Variants in SLC6A3 observed in about 807,000 individuals in gnomAD.
SLC6A3 encodes sodium-dependent dopamine transporter.
SLC6A3 carries 19 observed loss-of-function variants against 70.4 expected under a neutral mutation model. That is an observed-to-expected ratio of 0.27 (90% confidence interval 0.19 to 0.40). SLC6A3 has a LOEUF of 0.40. Ranked by LOEUF, SLC6A3 falls within the 10% of genes least tolerant of loss-of-function variation. The pLI, the probability that SLC6A3 is intolerant of heterozygous loss-of-function variation, is 1.00. For missense variants in SLC6A3, 613 were observed against 838.5 expected (o/e 0.73, Z 3.32); for synonymous variants, 368 against 356.6 (o/e 1.03, Z -0.36).
intron 1 of SLC6A3, among the ~76,000 whole-genome samples, chr5:1,444,027 C>T (rs1274220918): frequency 6.6e-6 from 1 of 152,128 alleles, no homozygotes; most frequent in Non-Finnish European, 1.5e-5. Flanking sequence ...TAATAAAGAG[C>T]AAAATTTATA....
Position 1,401,453 on chromosome 5 carries a change from C to T in SLC6A3, c.1768-467G>A, listed in dbSNP as rs1016869110. The T allele has an allele frequency of 2.7e-6, 1 of 373,794 alleles. No homozygotes were observed. The highest frequency in any genetic ancestry group is 5.3e-6 in the Non-Finnish European group (1 of 189,872). 23.2% of individuals were successfully genotyped at this position (373,794 alleles called of 1,614,324 possible). A position where few individuals can be genotyped will look rare whatever the true frequency, so the allele number is the denominator to read the frequency against. On this transcript the variant is annotated intron_variant, in intron 13 of 14. Coordinates refer to ENST00000270349, the MANE Select transcript of SLC6A3 (RefSeq NM_001044.5). The surrounding 1 kb of genome is among the most constrained non-coding windows in gnomAD (Gnocchi z 6.1). The stretch of plus-strand genomic sequence containing the variant: ...GGAGAGTGAACGCTGAACGTGCCTT[C>T]CTTCCACTGCCCGCTGCGGCAGCTC...
At chr5:1,412,954 A>G (rs1045467329) in intron 8 of SLC6A3, among the ~76,000 whole-genome samples, 1 of 152,194 alleles carries the variant, frequency 6.6e-6, no homozygotes, top group Middle Eastern at 3.2e-3. Context: ...CGGGGCTTAG[A>G]TGGTACCAGC....
chr5:1,414,685 G>C lies in SLC6A3; in HGVS notation c.1156+6C>G. 1 of 1,612,136 alleles carries C rather than the reference G, an allele frequency of 6.2e-7. No individual in the cohort carries two copies. The highest frequency in any genetic ancestry group is 8.5e-7 in the Non-Finnish European group (1 of 1,179,628). On this transcript the variant is annotated splice_donor_region_variant and intron_variant, in intron 8 of 14. Transcript: ENST00000270349. ...AGCAGGCCCAGGTGCAGCAGGAGGG[G>C]CTCACCGTCCTTGGCCACGTCCCCG...
chr5:1,409,258 A>T, intron 10 of SLC6A3, 133 bp from the exon 11 acceptor site: 1 of 731,890 alleles, frequency 1.4e-6, no homozygotes, highest in Non-Finnish European at 2.5e-6. Flanking sequence ...AATTCAACCC[A>T]CATGCAGCTT....
At chr5:1,441,658 C>T (rs1433756491) in intron 2 of SLC6A3, among the ~76,000 whole-genome samples, 168 bp from the exon 3 acceptor site, 1 of 152,192 alleles carries the variant, frequency 6.6e-6, no homozygotes, top group Non-Finnish European at 1.5e-5. Flanking sequence ...CGAAGCCCGC[C>T]CTCCACTGCT....
At chr5:1,432,356 C>A in intron 4 of SLC6A3, 108 bp downstream of exon 4, 1 of 793,396 alleles carries the variant, frequency 1.3e-6, no homozygotes, top group South Asian at 1.4e-5. Flanking sequence ...CAGATTCCCC[C>A]TCCCCGCACC....
chr5:1,417,017 C>G (rs1218450441), intron 6 of SLC6A3, among the ~76,000 whole-genome samples: 2 of 151,962 alleles, frequency 1.3e-5, no homozygotes, highest in Non-Finnish European at 2.9e-5. Flanking sequence ...ATGGACTTAT[C>G]CACACTCACA....
rs1756025787 is a variant in SLC6A3 at position 1,408,032 on chromosome 5, A to G, written c.1498+994T>C. ...TTTTTCTTTTTTGAGACGGAGTCTCACTCTGTTGCCCAGGCTGGAGTGCAG... is the reference window on the plus strand; with the variant it reads ...TTTTTCTTTTTTGAGACGGAGTCTCGCTCTGTTGCCCAGGCTGGAGTGCAG... On this transcript the variant is annotated intron_variant, in intron 11 of 14. Transcript: ENST00000270349. The surrounding 1 kb of genome is among the most constrained non-coding windows in gnomAD (Gnocchi z 6.4). Among the ~76,000 whole-genome samples, 6 of 150,664 alleles carry G rather than the reference A, an allele frequency of 4.0e-5. No homozygotes were observed. In the South Asian group the frequency reaches 1.3e-3, roughly 32 times the overall value.
chr5:1,444,398 ACACT>A (rs201618864), intron 1 of SLC6A3, among the ~76,000 whole-genome samples: 3,848 of 152,076 alleles, frequency 0.025, 143 homozygotes, highest in African/African-American at 0.087. Flanking sequence ...ACACACATAC[ACACT>A]CACACACACA....
intron 3 of SLC6A3, among the ~76,000 whole-genome samples, chr5:1,434,039 C>A (rs980649670): frequency 6.6e-6 from 1 of 152,282 alleles, no homozygotes; most frequent in African/African-American, 2.4e-5. Context: ...CCAGAGCCAT[C>A]CATAGCCATC....
chr5:1,406,370 C>A lies in SLC6A3; in HGVS notation c.1499-82G>T. On this transcript the variant is annotated intron_variant, in intron 11 of 14. Transcript: ENST00000270349. This position sits in a 1 kb window ranked among gnomAD's most constrained non-coding sequence, Gnocchi z 8.8. ...GGACACGTGTGGGGGTCCTCGCTGA[C>A]TCCCAAGGGCCCCACCTACCGGCCC... is the stretch of plus-strand genomic sequence containing the variant. 1.7e-6 allele frequency: 2 copies of A among 1,208,230 alleles called. No homozygotes were observed. Among genetic ancestry groups the A allele is most frequent in the East Asian group, 2.3e-5 (1 of 42,822 alleles). The allele number at this position is 1,208,230 out of a possible 1,614,324, so 74.8% of individuals were successfully genotyped here.
chr5:1,432,710 G>T lies in SLC6A3; in HGVS notation c.419-12C>A, dbSNP rs460000. 403,697 of 1,605,626 alleles carry T rather than the reference G, an allele frequency of 0.25. 57,552 individuals are homozygous for T. Among genetic ancestry groups the T allele is most frequent in the East Asian group, 0.53 (23,650 of 44,720 alleles). Reference sequence around the variant, plus strand: ...CGTGAAGCCCACACCTAGCGGGAAGGGGGAGGCCATGGAGCCCACGCAGGT... The same window carrying T: ...CGTGAAGCCCACACCTAGCGGGAAGTGGGAGGCCATGGAGCCCACGCAGGT... On this transcript the variant is annotated splice_polypyrimidine_tract_variant and intron_variant, in intron 3 of 14. Coordinates refer to ENST00000270349, the MANE Select transcript of SLC6A3 (RefSeq NM_001044.5).
Position 1,402,285 on chromosome 5 carries a change from A to G in SLC6A3, c.1767+637T>C, listed in dbSNP as rs1755868072. Among the ~76,000 whole-genome samples, 1 of 151,648 alleles carries G rather than the reference A, an allele frequency of 6.6e-6. No homozygotes were observed. Among genetic ancestry groups the G allele is most frequent in the Admixed American group, 6.6e-5 (1 of 15,238 alleles). On this transcript the variant is annotated intron_variant, in intron 13 of 14. Transcript: ENST00000270349. The surrounding 1 kb of genome is among the most constrained non-coding windows in gnomAD (Gnocchi z 8.5). ...CTGGAACCACAGAGCCAGGGTGTTA[A>G]ACAGGGCCCTGTGACTGGTCCACCT...
In SLC6A3 at chr5:1,422,029, C is replaced by A; in HGVS notation, c.654-15G>T. ...GCACGCCACGTCTGCAGAGGGGAGT[C>A]AGCGGGGGACTCTGTGGGTGGCTGT... is the stretch of plus-strand genomic sequence containing the variant. On this transcript the variant is annotated splice_polypyrimidine_tract_variant and intron_variant, in intron 4 of 14. Transcript: ENST00000270349. 6.2e-7 allele frequency: 1 copy of A among 1,607,746 alleles called. No homozygotes were observed. Among genetic ancestry groups the A allele is most frequent in the Non-Finnish European group, 8.5e-7 (1 of 1,178,646 alleles).
chr5:1,406,250 C>G lies in SLC6A3; in HGVS notation c.1537G>C (p.Gly513Arg), dbSNP rs777812094. Residue 513 changes from glycine to arginine, a missense_variant, in exon 12 of 15, where the codon GGG (glycine) becomes CGG (arginine). Physicochemically the swap from Gly to Arg is moderately radical, Grantham distance 125 (BLOSUM62 -2). Coordinates refer to ENST00000270349, the MANE Select transcript of SLC6A3 (RefSeq NM_001044.5). This position sits in a 1 kb window ranked among gnomAD's most constrained non-coding sequence, Gnocchi z 8.8. The part of the protein sequence containing the change: ...QFSDDIQQMT[G>R]QRPSLYWRLC... ...CGCCAGTACAGGCTGGGCCGCTGCCCGGTCATCTGCTGGATGTCGTCGCTG... is the reference window on the plus strand; with the variant it reads ...CGCCAGTACAGGCTGGGCCGCTGCCGGGTCATCTGCTGGATGTCGTCGCTG... 4 of 1,612,994 alleles carry G rather than the reference C, an allele frequency of 2.5e-6. No individual in the cohort carries two copies. The highest frequency in any genetic ancestry group is 3.4e-6 in the Non-Finnish European group (4 of 1,179,984).
rs1330694274 is a variant in SLC6A3, at chr5:1,396,365, G to C, written c.1840-1607C>G. 6.6e-6 allele frequency among the ~76,000 whole-genome samples: 1 copy of C among 152,196 alleles called. No individual in the cohort carries two copies. The highest frequency in any genetic ancestry group is 1.5e-5 in the Non-Finnish European group (1 of 68,034). On this transcript the variant is annotated intron_variant, in intron 14 of 14. Transcript: ENST00000270349. The surrounding 1 kb of genome is among the most constrained non-coding windows in gnomAD (Gnocchi z 7.0). The stretch of plus-strand genomic sequence containing the variant: ...ACGTGCCGATGACCTTCCAGACCAT[G>C]GACACCAGACCGTAAGGGTCAGTGG...
chr5:1,401,609 C>G lies in SLC6A3; in HGVS notation c.1768-623G>C, dbSNP rs1755853176. On this transcript the variant is annotated intron_variant, in intron 13 of 14. Coordinates refer to ENST00000270349, the MANE Select transcript of SLC6A3 (RefSeq NM_001044.5). This position sits in a 1 kb window ranked among gnomAD's most constrained non-coding sequence, Gnocchi z 6.1. Reference sequence around the variant, plus strand: ...TCTCACAGGGACCCCTGTGCGTGGCCCCACCCCACGTCATCACCACAATTC... The same window carrying G: ...TCTCACAGGGACCCCTGTGCGTGGCGCCACCCCACGTCATCACCACAATTC... 6.6e-6 allele frequency among the ~76,000 whole-genome samples: 1 copy of G among 152,168 alleles called. No individual in the cohort carries two copies. Among genetic ancestry groups the G allele is most frequent in the African/African-American group, 2.4e-5 (1 of 41,446 alleles).
rs1755732676 is a variant in SLC6A3 at position 1,396,807 on chromosome 5, G to A, written c.1840-2049C>T. ...ATAAGGTCTTGCTTCAGTAGGGGTT[G>A]GTTAGGGCTACACCAAATGCTGAAG... On this transcript the variant is annotated intron_variant, in intron 14 of 14. Transcript: ENST00000270349. This position sits in a 1 kb window ranked among gnomAD's most constrained non-coding sequence, Gnocchi z 7.0. 1.3e-5 allele frequency among the ~76,000 whole-genome samples: 2 copies of A among 152,224 alleles called. No individual in the cohort carries two copies. The highest frequency in any genetic ancestry group is 2.9e-5 in the Non-Finnish European group (2 of 68,046).
intron 12 of SLC6A3, among the ~76,000 whole-genome samples, chr5:1,403,542 C>T (rs952305819): frequency 3.4e-5 from 5 of 147,896 alleles, no homozygotes; most frequent in Admixed American, 3.4e-4. Context: ...CCCATCCCAT[C>T]TCATCCCATC....
Sources: allele counts gnomAD v4.1 joint callset (sites outside exome capture counted in the v4.1 genomes callset), GRCh38; gene constraint gnomAD v4.1.1; non-coding constraint Gnocchi (gnomAD v3.1); transcripts MANE v1.5; gene names NCBI Gene and HGNC (gene_info 2026-07-23, HGNC 2026-07-21).